Variants in ANKRD33B observed in about 807,000 individuals in gnomAD.
ANKRD33B encodes the protein ankyrin repeat domain 33B.
ANKRD33B carries 6 observed loss-of-function variants against 21.5 expected under a neutral mutation model. That is an observed-to-expected ratio of 0.28 (90% CI 0.15 to 0.55). The LOEUF is 0.55. Ranked by LOEUF, ANKRD33B falls within the 20% of genes least tolerant of loss-of-function variation. The pLI is 0.94. For synonymous variants in ANKRD33B, 347 were observed against 342.4 expected (o/e 1.01, Z -0.15); for missense variants, 698 against 747.2 (o/e 0.93, Z 0.77).
chr5:10,565,772 T>G (rs1305312136), intron 1 of ANKRD33B, among the ~76,000 whole-genome samples: 1 of 152,258 alleles, frequency 6.6e-6, no homozygotes, highest in Non-Finnish European at 1.5e-5. Context: ...CCCCGTAGTC[T>G]GTGCTCAGTG....
intron 3 of ANKRD33B, among the ~76,000 whole-genome samples, chr5:10,642,640 C>T (rs536445481): frequency 6.6e-6 from 1 of 152,322 alleles, no homozygotes; most frequent in Non-Finnish European, 1.5e-5. Context: ...TGGGCACGTT[C>T]ACAACAGAAC....
intron 1 of ANKRD33B, 30 bp from the exon 2 acceptor site, chr5:10,618,303 C>T: frequency 2.0e-6 from 3 of 1,536,116 alleles, no homozygotes; most frequent in Non-Finnish European, 2.6e-6. Context: ...GACTCTGCCC[C>T]TCTGACCCGC....
At chr5:10,565,274 C>A (rs1735022123) in intron 1 of ANKRD33B, among the ~76,000 whole-genome samples, 2 of 152,248 alleles carry the variant, frequency 1.3e-5, no homozygotes, top group Non-Finnish European at 1.5e-5. Context: ...TGCCCAGCGC[C>A]CCATTTGGCC....
chr5:10,619,211 G>T lies in ANKRD33B; in HGVS notation c.496+749G>T, dbSNP rs1020818347. On this transcript the variant is annotated intron_variant, in intron 2 of 3. Transcript: ENST00000296657. The surrounding 1 kb of genome is among the most constrained non-coding windows in gnomAD (Gnocchi z 4.5). ...TTCTTTGCCTCCAAAGATTCTGTCTGTTTCATCGGTCAAGTTCTCAGTTGC... is the reference window on the plus strand; with the variant it reads ...TTCTTTGCCTCCAAAGATTCTGTCTTTTTCATCGGTCAAGTTCTCAGTTGC... The T allele has an allele frequency of 1.4e-6, 1 of 728,090 alleles. No individual in the cohort carries two copies. Among genetic ancestry groups the T allele is most frequent in the Non-Finnish European group, 1.7e-6 (1 of 595,364 alleles). 45.1% of individuals were successfully genotyped at this position (728,090 alleles called of 1,614,324 possible).
rs1215537226 is a variant in ANKRD33B, at chr5:10,618,268, C to T, written c.367-65C>T. ...GAGGGTAGTGGGTGCCCCTCGGGGT[C>T]CCCAGTGCTGACCCACCATGCTCCG... On this transcript the variant is annotated intron_variant, in intron 1 of 3. Coordinates refer to ENST00000296657, the MANE Select transcript of ANKRD33B (RefSeq NM_001164440.2). 3 of 1,532,422 alleles carry T rather than the reference C, an allele frequency of 2.0e-6. No homozygotes were observed. The African/African-American group carries it at 4.1e-5, about 21-fold the overall frequency. The allele number at this position is 1,532,422 out of a possible 1,614,324, so 94.9% of individuals were successfully genotyped here.
At chr5:10,581,075 C>T (rs1406572789) in intron 1 of ANKRD33B, among the ~76,000 whole-genome samples, 1 of 152,208 alleles carries the variant, frequency 6.6e-6, no homozygotes, top group African/African-American at 2.4e-5. Flanking sequence ...TCTGCCTTCT[C>T]AGGCTGCTTC....
chr5:10,567,400 G>A (rs928500470), intron 1 of ANKRD33B, among the ~76,000 whole-genome samples: 1 of 152,348 alleles, frequency 6.6e-6, no homozygotes, highest in South Asian at 2.1e-4. Flanking sequence ...AACTGAATCT[G>A]GCAGTCCCTG....
rs1737393225 is a variant in ANKRD33B at position 10,652,921 on chromosome 5, C to A, written c.*2808C>A. 1.0e-5 allele frequency: 2 copies of A among 199,460 alleles called. No homozygotes were observed. Among genetic ancestry groups the A allele is most frequent in the South Asian group, 6.6e-5 (1 of 15,174 alleles). 12.4% of individuals were successfully genotyped at this position (199,460 alleles called of 1,614,324 possible). A position where few individuals can be genotyped will look rare whatever the true frequency, so the allele number is the denominator to read the frequency against. On this transcript the variant is annotated 3_prime_UTR_variant, in exon 4 of 4. Coordinates refer to ENST00000296657, the MANE Select transcript of ANKRD33B (RefSeq NM_001164440.2). The surrounding 1 kb of genome is among the most constrained non-coding windows in gnomAD (Gnocchi z 4.1). ...GACACGGATTTCTTTGGCAAATCTG[C>A]AGGCGAGCTGACCACTTGCCTGGTG...
chr5:10,652,787 A>T lies in ANKRD33B; in HGVS notation c.*2674A>T, dbSNP rs901250791. 1.4e-5 allele frequency: 4 copies of T among 276,504 alleles called. No individual in the cohort carries two copies. The highest frequency in any genetic ancestry group is 3.0e-5 in the Non-Finnish European group (4 of 132,584). 17.1% of individuals were successfully genotyped at this position (276,504 alleles called of 1,614,324 possible). A position where few individuals can be genotyped will look rare whatever the true frequency, so the allele number is the denominator to read the frequency against. On this transcript the variant is annotated 3_prime_UTR_variant, in exon 4 of 4. Transcript: ENST00000296657. This position sits in a 1 kb window ranked among gnomAD's most constrained non-coding sequence, Gnocchi z 4.1. ...CCAGCCTCATCCAGGTGCACAGGAT[A>T]CTCTGGGGCCAGCACAGGGATTGTC...
At chr5:10,634,037 ATTTT>A (rs1736798474) in intron 2 of ANKRD33B, among the ~76,000 whole-genome samples, 1 of 152,056 alleles carries the variant, frequency 6.6e-6, no homozygotes, top group Admixed American at 6.6e-5. Context: ...ATTATTCAGA[ATTTT>A]TCTTCCAGAT....
intron 1 of ANKRD33B, among the ~76,000 whole-genome samples, chr5:10,599,436 C>T (rs561139428): frequency 2.0e-5 from 3 of 152,276 alleles, no homozygotes; most frequent in Non-Finnish European, 4.4e-5. Flanking sequence ...AACATTATCA[C>T]TATTTCCAAA....
chr5:10,640,860 T>C (rs1174922933), intron 3 of ANKRD33B, among the ~76,000 whole-genome samples: 1 of 152,254 alleles, frequency 6.6e-6, no homozygotes, highest in Non-Finnish European at 1.5e-5. Context: ...CGATGTCTGC[T>C]GATGCCCCTT....
At chr5:10,637,756 T>C (rs1736905670) in intron 2 of ANKRD33B, among the ~76,000 whole-genome samples, 1 of 151,966 alleles carries the variant, frequency 6.6e-6, no homozygotes, top group Non-Finnish European at 1.5e-5. Context: ...CCCCCAGTAG[T>C]GTAATGGGAC....
At chr5:10,602,657 A>C (rs1735957921) in intron 1 of ANKRD33B, among the ~76,000 whole-genome samples, 1 of 152,200 alleles carries the variant, frequency 6.6e-6, no homozygotes, top group Non-Finnish European at 1.5e-5. Flanking sequence ...AGAGTAGGTA[A>C]AACATTCAAA....
In ANKRD33B at chr5:10,649,909, A is replaced by G; in HGVS notation, c.1281A>G (p.Arg427=). 6.6e-7 allele frequency: 1 copy of G among 1,518,554 alleles called. No homozygotes were observed. The highest frequency in any genetic ancestry group is 8.8e-7 in the Non-Finnish European group (1 of 1,138,964). 94.1% of individuals were successfully genotyped at this position (1,518,554 alleles called of 1,614,324 possible). The change falls in exon 4 of 4, where the codon CGA becomes CGG. Residue 427 remains arginine, a synonymous_variant. Coordinates refer to ENST00000296657, the MANE Select transcript of ANKRD33B (RefSeq NM_001164440.2). ...VRPGVVVPRV[R]VSKAPAPTFQ... ...CCGGTGTGGTGGTGCCCCGGGTCCG[A>G]GTCAGCAAGGCGCCCGCGCCCACCT...
chr5:10,588,572 A>T (rs981747406), intron 1 of ANKRD33B, among the ~76,000 whole-genome samples: 19 of 152,330 alleles, frequency 1.2e-4, no homozygotes, highest in African/African-American at 4.6e-4. Context: ...TCCCCATAAC[A>T]TCACACTTGG....
In ANKRD33B at chr5:10,626,024, G is replaced by A. The variant is rs1382456501; in HGVS notation, c.496+7562G>A. Reference sequence around the variant, plus strand: ...GACCCAGGCCAAGAAGCTGGAACCCGAGAGGCAGCCTCGGCCTAGAACCCG... The same window carrying A: ...GACCCAGGCCAAGAAGCTGGAACCCAAGAGGCAGCCTCGGCCTAGAACCCG... On this transcript the variant is annotated intron_variant, in intron 2 of 3. Coordinates refer to ENST00000296657, the MANE Select transcript of ANKRD33B (RefSeq NM_001164440.2). Among the ~76,000 whole-genome samples the A allele has an allele frequency of 4.6e-5, 7 of 152,222 alleles. 1 individual carries two copies. In the South Asian group the frequency reaches 8.3e-4, roughly 18 times the overall value.
rs540929676 is a variant in ANKRD33B at position 10,654,931 on chromosome 5, C to T, written c.*4818C>T. On this transcript the variant is annotated 3_prime_UTR_variant, in exon 4 of 4. Transcript: ENST00000296657. ...AATTACTCGATGTGCAGAGGCTGCC[C>T]CTTGGCCGCACTTGGGAACATCGTG... The T allele has an allele frequency of 6.6e-6, 1 of 152,566 alleles. No individual in the cohort carries two copies. Among genetic ancestry groups the T allele is most frequent in the South Asian group, 2.1e-4 (1 of 4,824 alleles). 9.5% of individuals were successfully genotyped at this position (152,566 alleles called of 1,614,324 possible).
chr5:10,587,628 C>T (rs765466374), intron 1 of ANKRD33B, among the ~76,000 whole-genome samples: 8 of 151,092 alleles, frequency 5.3e-5, no homozygotes, highest in Non-Finnish European at 1.0e-4. Flanking sequence ...CCTGTATTCC[C>T]AGTACCTGGA....
Sources: allele counts gnomAD v4.1 joint callset (sites outside exome capture counted in the v4.1 genomes callset), GRCh38; gene constraint gnomAD v4.1.1; non-coding constraint Gnocchi (gnomAD v3.1); transcripts MANE v1.5; gene names NCBI Gene and HGNC (gene_info 2026-07-23, HGNC 2026-07-21).